The following ADARB2 variants were observed in gnomAD, a reference collection of about 807,000 sequenced individuals.
The protein encoded by ADARB2 is adenosine deaminase RNA specific B2 (inactive).
Under a neutral mutation model 62.2 loss-of-function variants are expected in ADARB2, and 25 were observed. That is an observed-to-expected ratio of 0.40 (90% CI 0.29 to 0.56). The LOEUF (loss-of-function observed/expected upper bound fraction) is 0.56. Ranked by LOEUF, ADARB2 falls within the 20% of genes least tolerant of loss-of-function variation. The pLI is 0.43. For missense variants in ADARB2, 1,071 were observed against 1,077.4 expected (o/e 0.99, Z 0.08); for synonymous variants, 572 against 500.8 (o/e 1.14, Z -1.90).
At chr10:1,196,405 C>T (rs947218147) in intron 8 of ADARB2, among the ~76,000 whole-genome samples, 2 of 151,846 alleles carry the variant, frequency 1.3e-5, no homozygotes, top group Non-Finnish European at 2.9e-5. Context: ...TTATGCTGAT[C>T]AATTTCTCGA....
At chr10:1,532,091 A>G (rs1348682432) in intron 1 of ADARB2, among the ~76,000 whole-genome samples, 2 of 152,174 alleles carry the variant, frequency 1.3e-5, no homozygotes, top group African/African-American at 2.4e-5. Context: ...CGAAGAGGTA[A>G]TTATTGGTGC....
At chr10:1,263,838 C>T (rs914304532) in intron 4 of ADARB2, among the ~76,000 whole-genome samples, 1 of 152,108 alleles carries the variant, frequency 6.6e-6, no homozygotes. Flanking sequence ...ATGAGCCAGG[C>T]TAAACTATTT....
intron 1 of ADARB2, among the ~76,000 whole-genome samples, chr10:1,541,351 G>A (rs71500133): frequency 6.2e-3 from 33 of 5,312 alleles, no homozygotes; most frequent in Non-Finnish European, 9.0e-3. Flanking sequence ...GACGCAGTTC[G>A]GACCCTGGAT....
At chr10:1,677,986 T>A (rs1452723351) in intron 1 of ADARB2, among the ~76,000 whole-genome samples, 1 of 152,206 alleles carries the variant, frequency 6.6e-6, no homozygotes, top group African/African-American at 2.4e-5. Context: ...CAAGCATGCT[T>A]TTTCCTCCAA....
chr10:1,216,328 A>C (rs1037475086), intron 7 of ADARB2: 1 of 153,752 alleles, frequency 6.5e-6, no homozygotes, highest in Non-Finnish European at 1.4e-5. Flanking sequence ...TCTTGGGCAG[A>C]GCAGCTCAGG....
intron 1 of ADARB2, among the ~76,000 whole-genome samples, chr10:1,451,013 G>C (rs746770314): frequency 2.4e-4 from 37 of 152,332 alleles, no homozygotes; most frequent in Admixed American, 7.8e-4. Flanking sequence ...GATGGTGTCT[G>C]CTGTGTGCAA....
At chr10:1,410,458 C>G (rs1832750305) in intron 1 of ADARB2, among the ~76,000 whole-genome samples, 1 of 152,190 alleles carries the variant, frequency 6.6e-6, no homozygotes, top group Non-Finnish European at 1.5e-5. Flanking sequence ...ATCTCATTTC[C>G]TGAGAGCAAA....
chr10:1,262,809 C>A (rs1831154942), intron 4 of ADARB2, among the ~76,000 whole-genome samples: 4 of 152,118 alleles, frequency 2.6e-5, no homozygotes, highest in Admixed American at 2.6e-4. Flanking sequence ...ATAAATCATG[C>A]TGCTGTAAAG....
chr10:1,651,894 A>G (rs1408784530), intron 1 of ADARB2, among the ~76,000 whole-genome samples: 2 of 152,270 alleles, frequency 1.3e-5, no homozygotes, highest in Non-Finnish European at 1.5e-5. Flanking sequence ...CCTGCCCAGG[A>G]GAGACCGCTA....
At chr10:1,253,522 A>T (rs1363156702) in intron 4 of ADARB2, among the ~76,000 whole-genome samples, 1 of 152,238 alleles carries the variant, frequency 6.6e-6, no homozygotes, top group Non-Finnish European at 1.5e-5. Context: ...CCATTTGTTT[A>T]TCCATCCATT....
intron 3 of ADARB2, among the ~76,000 whole-genome samples, chr10:1,325,323 G>A (rs765578973): frequency 1.2e-4 from 18 of 152,096 alleles, no homozygotes; most frequent in Non-Finnish European, 2.1e-4. Flanking sequence ...CCGACTGCAC[G>A]CCTAACACTT....
chr10:1,529,658 G>A (rs1332701347), intron 1 of ADARB2, among the ~76,000 whole-genome samples: 1 of 152,232 alleles, frequency 6.6e-6, no homozygotes, highest in Non-Finnish European at 1.5e-5. Context: ...CCTTGTTGGA[G>A]CCCCTCTGCC....
intron 7 of ADARB2, among the ~76,000 whole-genome samples, chr10:1,203,007 T>C (rs559618718): frequency 6.6e-6 from 1 of 152,288 alleles, no homozygotes; most frequent in South Asian, 2.1e-4. Flanking sequence ...CTACCAGAGA[T>C]TAAACTTACT....
intron 1 of ADARB2, among the ~76,000 whole-genome samples, chr10:1,657,718 G>T (rs1218911163): frequency 2.0e-5 from 3 of 152,214 alleles, no homozygotes; most frequent in African/African-American, 7.2e-5. Context: ...GCTGGAATCC[G>T]AGAGCCAGGG....
chr10:1,603,676 A>G (rs1833459041), intron 1 of ADARB2, among the ~76,000 whole-genome samples: 1 of 147,582 alleles, frequency 6.8e-6, no homozygotes, highest in African/African-American at 2.5e-5. Flanking sequence ...AGTCACATAC[A>G]ATTTTAGAGC....
intron 1 of ADARB2, among the ~76,000 whole-genome samples, chr10:1,594,185 G>A (rs1833302781): frequency 6.6e-6 from 1 of 152,198 alleles, no homozygotes; most frequent in Non-Finnish European, 1.5e-5. Context: ...AGCTACTCGG[G>A]AGGCTGAGGC....
In ADARB2 at chr10:1,363,608, G is replaced by T. The variant is rs773904207; in HGVS notation, c.497C>A (p.Thr166Lys). ...FAVAVEVNGLTFEGTGPTKKK... is the reference protein window; with the variant it reads ...FAVAVEVNGLKFEGTGPTKKK... ...CTTGGTGGGGCCTGTGCCCTCGAAC[G>T]TGAGCCCGTTCACCTCCACCGCTAC... is the stretch of plus-strand genomic sequence containing the variant. Residue 166 changes from threonine (T) to lysine (K), a missense_variant, in exon 3 of 10, where the codon ACG becomes AAG. Coordinates refer to ENST00000381312, the MANE Select transcript of ADARB2 (RefSeq NM_018702.4). 1.2e-6 allele frequency: 2 copies of T among 1,601,622 alleles called. No homozygotes were observed. Among genetic ancestry groups the T allele is most frequent in the Non-Finnish European group, 1.7e-6 (2 of 1,174,238 alleles).
chr10:1,203,447 G>A (rs1015837522), intron 7 of ADARB2, among the ~76,000 whole-genome samples: 5 of 152,252 alleles, frequency 3.3e-5, no homozygotes, highest in Non-Finnish European at 7.3e-5. Flanking sequence ...TTTCCGCCGT[G>A]ACGCGGCCCT....
chr10:1,310,162 C>A (rs559632689), intron 3 of ADARB2, among the ~76,000 whole-genome samples: 1 of 152,148 alleles, frequency 6.6e-6, no homozygotes, highest in Non-Finnish European at 1.5e-5. Flanking sequence ...TATTTTGGAC[C>A]GAGCACTGTG....
Sources: allele counts gnomAD v4.1 joint callset (sites outside exome capture counted in the v4.1 genomes callset), GRCh38; gene constraint gnomAD v4.1.1; transcripts MANE v1.5; gene names NCBI Gene and HGNC (gene_info 2026-07-23, HGNC 2026-07-21).